Variants in STK31 observed in about 807,000 individuals in gnomAD.
STK31 encodes the protein serine/threonine-protein kinase 31.
In STK31, 89 loss-of-function variants were observed where a neutral mutation model predicts 129.7. The ratio of observed to expected loss-of-function variants is 0.69; its 90% CI spans 0.58 to 0.82. The LOEUF is 0.82. STK31 is among the 40% of genes least tolerant of loss of function. The pLI, the probability that STK31 is intolerant of heterozygous loss-of-function variation, is 0.00. For missense variants in STK31, 1,187 were observed against 1,176.4 expected (o/e 1.01, Z -0.13); for synonymous variants, 448 against 395.3 (o/e 1.13, Z -1.58).
At chr7:23,737,203 T>C (rs1787771408) in intron 8 of STK31, 125 bp downstream of exon 8, 8 of 838,052 alleles carry the variant, frequency 9.5e-6, no homozygotes, top group Non-Finnish European at 1.3e-5. Context: ...CTAATCCCTG[T>C]ATTTGTTTAT....
intron 8 of STK31, among the ~76,000 whole-genome samples, chr7:23,745,787 G>T (rs1788315841): frequency 6.6e-6 from 1 of 152,156 alleles, no homozygotes; most frequent in Non-Finnish European, 1.5e-5. Flanking sequence ...AATGGTGGTT[G>T]TGGGATGGGG....
chr7:23,715,105 A>C (rs1034385567), intron 3 of STK31, among the ~76,000 whole-genome samples: 7 of 152,174 alleles, frequency 4.6e-5, no homozygotes, highest in Non-Finnish European at 1.0e-4. Context: ...CAAATTGGCA[A>C]ATTTGGTTGG....
At position 23,783,593 on chromosome 7, in the gene STK31, C is replaced by G. The variant is rs1562598771; in HGVS notation, c.2078C>G (p.Thr693Ser). 1.2e-6 allele frequency: 2 copies of G among 1,607,874 alleles called. No individual in the cohort carries two copies. Among genetic ancestry groups the G allele is most frequent in the East Asian group, 4.5e-5 (2 of 44,738 alleles). Residue 693 changes from threonine (T) to serine (S), a missense_variant, in exon 17 of 24, where the codon ACT becomes AGT. By Grantham distance (58) the Thr-to-Ser change is moderately conservative. Around this residue, in one of 5 missense-constraint regions of STK31, gnomAD observed 975 missense variants for 934.9 expected, o/e 1.04. Coordinates refer to ENST00000355870, the MANE Select transcript of STK31 (RefSeq NM_031414.5). The stretch of plus-strand genomic sequence containing the variant: ...TTTTTTTAACTTTAGGAGATGCTAA[C>G]TAGTTTGGCACAGAAATGGTTCCCT... ...YHEREEYEML[T>S]SLAQKWFPEL... is the part of the protein sequence containing the mutation.
In STK31 at chr7:23,772,136, T is replaced by C; in HGVS notation, c.1834-11T>C. The C allele has an allele frequency of 6.5e-7, 1 of 1,536,084 alleles. No individual in the cohort carries two copies. The highest frequency in any genetic ancestry group is 8.8e-7 in the Non-Finnish European group (1 of 1,137,464). ...TATGTGTTTGAAAATACGTAACTTTTGTTTACTTAGTTTAAAAAGCAGCTT... is the reference window on the plus strand; with the variant it reads ...TATGTGTTTGAAAATACGTAACTTTCGTTTACTTAGTTTAAAAAGCAGCTT... On this transcript the variant is annotated splice_polypyrimidine_tract_variant and intron_variant, in intron 14 of 23. Coordinates refer to ENST00000355870, the MANE Select transcript of STK31 (RefSeq NM_031414.5).
chr7:23,762,855 A>G lies in STK31; in HGVS notation c.1348A>G (p.Met450Val), dbSNP rs377197172. ...QRNEMQQKLY[M>V]SVEDFILEVD... ...AAATGAAATGCAGCAGAAGCTGTAC[A>G]TGTCAGTAGAAGATTTTATTCTGGA... The change falls in exon 11 of 24, where the codon ATG becomes GTG. Residue 450 changes from methionine (M) to valine (V), a missense_variant. Transcript: ENST00000355870. The G allele has an allele frequency of 3.1e-6, 5 of 1,609,360 alleles. No individual in the cohort carries two copies. Among genetic ancestry groups the G allele is most frequent in the South Asian group, 1.1e-5 (1 of 89,528 alleles).
intron 5 of STK31, 30 bp downstream of exon 5, chr7:23,727,345 G>A (rs1175943970): frequency 6.3e-7 from 1 of 1,588,016 alleles, no homozygotes; most frequent in East Asian, 2.2e-5. Flanking sequence ...GTTTTTTTTT[G>A]CTTTAAGAAA....
At chr7:23,778,207 T>C (rs919736964) in intron 15 of STK31, among the ~76,000 whole-genome samples, 2 of 152,226 alleles carry the variant, frequency 1.3e-5, no homozygotes, top group African/African-American at 4.8e-5. Flanking sequence ...GAGAAATTGC[T>C]GTTAGTTTGA....
intron 23 of STK31, among the ~76,000 whole-genome samples, chr7:23,821,355 A>G (rs1020596357): frequency 6.6e-6 from 1 of 152,258 alleles, no homozygotes; most frequent in African/African-American, 2.4e-5. Flanking sequence ...AAATAGTGGC[A>G]TTCTAGCTGA....
At chr7:23,795,590 A>G (rs1791903107) in intron 22 of STK31, among the ~76,000 whole-genome samples, 1 of 152,158 alleles carries the variant, frequency 6.6e-6, no homozygotes, top group African/African-American at 2.4e-5. Context: ...AGATCCACTG[A>G]CAGATCACAC....
chr7:23,805,585 G>A (rs1054900850), intron 22 of STK31, among the ~76,000 whole-genome samples: 3 of 152,128 alleles, frequency 2.0e-5, no homozygotes, highest in Non-Finnish European at 4.4e-5. Context: ...TTGGGCTCAA[G>A]TGATCCTCCT....
chr7:23,828,602 T>G (rs12669313), intron 23 of STK31, among the ~76,000 whole-genome samples: 15,136 of 152,120 alleles, frequency 0.1, 956 homozygotes, highest in Admixed American at 0.13. Flanking sequence ...CCCACTGTCC[T>G]GCACCCACTG....
intron 4 of STK31, 60 bp from the exon 5 acceptor site, chr7:23,727,181 T>G: frequency 7.2e-7 from 1 of 1,380,494 alleles, no homozygotes; most frequent in Non-Finnish European, 1.0e-6. Context: ...CTAACCTTTA[T>G]TCTGATCTGT....
At chr7:23,818,825 A>G (rs1199396391) in intron 23 of STK31, among the ~76,000 whole-genome samples, 5 of 151,992 alleles carry the variant, frequency 3.3e-5, no homozygotes, top group Non-Finnish European at 5.9e-5. Flanking sequence ...GGGTTTTGCC[A>G]TTTTGGCCAG....
At chr7:23,752,602 A>C in intron 8 of STK31, 115 bp from the exon 9 acceptor site, 1 of 726,552 alleles carries the variant, frequency 1.4e-6, no homozygotes, top group Non-Finnish European at 2.4e-6. Flanking sequence ...TGGCCTCCCA[A>C]AGTGTTGGAA....
chr7:23,721,309 A>G (rs1172792194), intron 4 of STK31: 11 of 654,372 alleles, frequency 1.7e-5, no homozygotes, highest in Non-Finnish European at 2.7e-5. Context: ...GATCTAAACT[A>G]TTTGTCTCTA....
intron 23 of STK31, among the ~76,000 whole-genome samples, chr7:23,826,050 G>C (rs1328131593): frequency 6.6e-6 from 1 of 152,122 alleles, no homozygotes; most frequent in African/African-American, 2.4e-5. Flanking sequence ...GGTGTGGTGT[G>C]GTGCTGAAAA....
At chr7:23,734,127 CTTGT>C (rs1787586365) in intron 6 of STK31, among the ~76,000 whole-genome samples, 1 of 152,110 alleles carries the variant, frequency 6.6e-6, no homozygotes, top group East Asian at 1.9e-4. Context: ...TTTTTACACT[CTTGT>C]TTGTCTGATT....
chr7:23,800,737 T>TAA (rs548859911), intron 22 of STK31, among the ~76,000 whole-genome samples: 1 of 151,822 alleles, frequency 6.6e-6, no homozygotes, highest in East Asian at 1.9e-4. Context: ...TCCCAGAACT[T>TAA]AAAGTATATA....
chr7:23,828,513 A>G (rs1369569920), intron 23 of STK31, among the ~76,000 whole-genome samples: 2 of 152,182 alleles, frequency 1.3e-5, no homozygotes, highest in South Asian at 2.1e-4. Flanking sequence ...TTGACTAGGA[A>G]AGGGAATTCC....
Sources: gnomAD v4.1 joint callset for allele counts (sites outside exome capture counted in the v4.1 genomes callset) on GRCh38, gnomAD v4.1.1 for gene constraint, gnomAD v4.1.1 regional missense constraint, MANE v1.5 for transcripts, NCBI Gene and HGNC (gene_info 2026-07-23, HGNC 2026-07-21) for gene names.